PREX2: variants seen among roughly 807,000 people sequenced by gnomAD.
PREX2 encodes the protein phosphatidylinositol 3,4,5-trisphosphate-dependent Rac exchanger 2 protein.
PREX2 carries 107 observed loss-of-function variants against 203.2 expected under a neutral mutation model. That is an observed-to-expected ratio of 0.53 (90% CI 0.45 to 0.62). The LOEUF (loss-of-function observed/expected upper bound fraction) is 0.62, where lower values mean the gene tolerates loss of function less well. PREX2 is among the 20% of genes least tolerant of loss of function. The pLI is 0.00. For synonymous variants in PREX2, 672 were observed against 663.6 expected (o/e 1.01, Z -0.19); for missense variants, 1,777 against 1,955.9 (o/e 0.91, Z 1.72).
At chr8:68,211,524 C>A (rs765212194) in intron 37 of PREX2, among the ~76,000 whole-genome samples, 4 of 152,178 alleles carry the variant, frequency 2.6e-5, no homozygotes, top group Non-Finnish European at 5.9e-5. Flanking sequence ...AGGTATCACA[C>A]TCATCACTTC....
chr8:67,993,192 A>G (rs1057251214), intron 1 of PREX2, among the ~76,000 whole-genome samples: 1 of 152,146 alleles, frequency 6.6e-6, no homozygotes, highest in Non-Finnish European at 1.5e-5. Context: ...TAGTTTTCTC[A>G]AGTTAAAACC....
chr8:68,220,738 A>G (rs1812937397), intron 38 of PREX2, among the ~76,000 whole-genome samples: 1 of 152,168 alleles, frequency 6.6e-6, no homozygotes, highest in Non-Finnish European at 1.5e-5. Context: ...CAGTTTCCCA[A>G]AATAGTACCT....
At chr8:68,138,595 G>T in intron 33 of PREX2, 78 bp downstream of exon 33, 1 of 643,378 alleles carries the variant, frequency 1.6e-6, no homozygotes, top group South Asian at 2.4e-5. Flanking sequence ...TAATATATTT[G>T]ATAAGTATTT....
In PREX2 at chr8:68,115,809, T is replaced by G; in HGVS notation, c.3203T>G (p.Ile1068Arg). 6.2e-7 allele frequency: 1 copy of G among 1,613,782 alleles called. No homozygotes were observed. ...TTAGAACGTAAGACATCAGAGGGCA[T>G]AATACCAACAGACAGTGACAATGAG... ...PKLERKTSEG[I>R]IPTDSDNEKG... Residue 1068 changes from isoleucine to arginine, a missense_variant, in exon 26 of 40, where the codon ATA becomes AGA. Physicochemically the swap from Ile to Arg is moderately conservative, Grantham distance 97. Transcript: ENST00000288368.
chr8:68,170,048 T>G (rs1346197378), intron 35 of PREX2, among the ~76,000 whole-genome samples: 2 of 152,206 alleles, frequency 1.3e-5, no homozygotes, highest in Admixed American at 1.3e-4. Flanking sequence ...AACATTAGCC[T>G]GAATCATAAG....
At position 68,073,085 on chromosome 8, in the gene PREX2, A is replaced by C. The variant is rs564969816; in HGVS notation, c.1569+515A>C. Among the ~76,000 whole-genome samples, 3 of 152,038 alleles carry C rather than the reference A, an allele frequency of 2.0e-5. No individual in the cohort carries two copies. In the East Asian group the frequency reaches 5.8e-4, roughly 29 times the overall value. ...ATTTAGATGCTGACTGCTAGAATTG[A>C]GAAAATGTCATTCGCTTATAAGTAA... On this transcript the variant is annotated intron_variant, in intron 14 of 39. Coordinates refer to ENST00000288368, the MANE Select transcript of PREX2 (RefSeq NM_024870.4).
chr8:68,117,967 C>T (rs1264470342), intron 26 of PREX2, among the ~76,000 whole-genome samples: 2 of 152,178 alleles, frequency 1.3e-5, no homozygotes, highest in Non-Finnish European at 2.9e-5. Context: ...TTAAGTTTGG[C>T]ATGACTCCTA....
rs1198972766 is a variant in PREX2, at chr8:67,952,496, C to T, written c.102C>T (p.Thr34=). The part of the protein sequence containing the change: ...RVCVLSELQK[T]ERDYVGTLEF... ...GCGTGCTCAGCGAGCTCCAGAAGACCGAGCGGGACTATGTGGGCACGCTGG... is the reference window on the plus strand; with the variant it reads ...GCGTGCTCAGCGAGCTCCAGAAGACTGAGCGGGACTATGTGGGCACGCTGG... Residue 34 remains threonine (T), a synonymous_variant, in exon 1 of 40, where the codon ACC becomes ACT. Coordinates refer to ENST00000288368, the MANE Select transcript of PREX2 (RefSeq NM_024870.4). The T allele has an allele frequency of 6.2e-7, 1 of 1,609,798 alleles. No individual in the cohort carries two copies. Among genetic ancestry groups the T allele is most frequent in the Non-Finnish European group, 8.5e-7 (1 of 1,178,162 alleles).
intron 31 of PREX2, 149 bp downstream of exon 31, chr8:68,127,568 A>G (rs1162570891): frequency 6.0e-6 from 3 of 498,064 alleles, no homozygotes; most frequent in Non-Finnish European, 1.1e-5. Context: ...AAGATTAGAA[A>G]AAGTACTCAC....
At chr8:67,996,394 A>G (rs1046190664) in intron 1 of PREX2, among the ~76,000 whole-genome samples, 3 of 151,616 alleles carry the variant, frequency 2.0e-5, no homozygotes, top group Non-Finnish European at 4.4e-5. Context: ...GAGTCTCACT[A>G]TGTTGCCCAA....
intron 1 of PREX2, among the ~76,000 whole-genome samples, chr8:67,967,352 A>G (rs1031616330): frequency 6.6e-6 from 1 of 152,256 alleles, no homozygotes; most frequent in African/African-American, 2.4e-5. Flanking sequence ...ATTGACTTTA[A>G]TATAATAGGC....
chr8:68,223,866 A>G (rs1813006165), intron 38 of PREX2, among the ~76,000 whole-genome samples: 2 of 152,230 alleles, frequency 1.3e-5, no homozygotes, highest in Non-Finnish European at 2.9e-5. Flanking sequence ...GCTAAATACT[A>G]GTAAACTTAA....
chr8:68,000,205 C>T (rs1234805880), intron 1 of PREX2, among the ~76,000 whole-genome samples: 1 of 152,216 alleles, frequency 6.6e-6, no homozygotes, highest in Non-Finnish European at 1.5e-5. Flanking sequence ...AGCGTATCGT[C>T]TTAGCCCTGA....
intron 10 of PREX2, among the ~76,000 whole-genome samples, chr8:68,059,575 A>G (rs1199620411): frequency 6.6e-6 from 1 of 152,254 alleles, no homozygotes; most frequent in African/African-American, 2.4e-5. Flanking sequence ...TTTGGTGTAC[A>G]GTAGTTTTCT....
intron 14 of PREX2, among the ~76,000 whole-genome samples, chr8:68,076,124 A>G (rs1419819275): frequency 1.3e-5 from 2 of 152,178 alleles, no homozygotes; most frequent in Admixed American, 1.3e-4. Flanking sequence ...TTCTAAAAGA[A>G]CAGTCTGTTT....
chr8:68,032,122 G>A (rs970942183), intron 6 of PREX2, among the ~76,000 whole-genome samples: 17 of 152,134 alleles, frequency 1.1e-4, no homozygotes, highest in African/African-American at 3.6e-4. Context: ...ATCATATGTA[G>A]CCCACAACCG....
At chr8:68,170,408 C>G (rs960893802) in intron 35 of PREX2, among the ~76,000 whole-genome samples, 1 of 152,232 alleles carries the variant, frequency 6.6e-6, no homozygotes, top group African/African-American at 2.4e-5. Flanking sequence ...GCCAAGGCCA[C>G]ATGGCTGGCC....
At chr8:68,082,484 C>A (rs570573931) in intron 17 of PREX2, 1 of 152,164 alleles carries the variant, frequency 6.6e-6, no homozygotes, top group South Asian at 2.1e-4. Flanking sequence ...ACCTGGCCAA[C>A]GAATGACCAT....
intron 1 of PREX2, among the ~76,000 whole-genome samples, chr8:67,953,545 A>G (rs1211352652): frequency 2.0e-5 from 3 of 152,066 alleles, no homozygotes; most frequent in Non-Finnish European, 4.4e-5. Flanking sequence ...TCTCCTTCCA[A>G]CAACCAATTC....
Sources: allele counts gnomAD v4.1 joint callset (sites outside exome capture counted in the v4.1 genomes callset), GRCh38; gene constraint gnomAD v4.1.1; transcripts MANE v1.5; gene names NCBI Gene and HGNC (gene_info 2026-07-23, HGNC 2026-07-21).